The following CRISPLD2 variants were observed in gnomAD, a reference collection of about 807,000 sequenced individuals.
The protein encoded by CRISPLD2 is cysteine rich secretory protein LCCL domain containing 2, also known as cysteine-rich secretory protein LCCL domain-containing 2.
In CRISPLD2, 47 loss-of-function variants were observed where a neutral mutation model predicts 71.1. That is an observed-to-expected ratio of 0.66 (90% CI 0.52 to 0.84). The LOEUF is 0.84. Among genes scored for constraint, CRISPLD2 ranks in the 40% least tolerant of loss-of-function variants. The pLI is 0.00. For missense variants in CRISPLD2, 830 were observed against 651.1 expected (o/e 1.27, Z -2.99); for synonymous variants, 317 against 250.1 (o/e 1.27, Z -2.52).
chr16:84,898,343 C>A (rs949002724), intron 14 of CRISPLD2, among the ~76,000 whole-genome samples: 1 of 152,180 alleles, frequency 6.6e-6, no homozygotes, highest in Admixed American at 6.5e-5. Flanking sequence ...CCATTCAAGG[C>A]CGCAGCTGCT....
chr16:84,829,492 C>T (rs553455561), intron 1 of CRISPLD2, among the ~76,000 whole-genome samples: 4 of 152,210 alleles, frequency 2.6e-5, no homozygotes, highest in South Asian at 2.1e-4. Flanking sequence ...TCTGATCTGC[C>T]CTTGGCCTCT....
At position 84,908,605 on chromosome 16, in the gene CRISPLD2, G is replaced by A. The variant is rs1048133786; in HGVS notation, c.*1963G>A. On this transcript the variant is annotated 3_prime_UTR_variant, in exon 15 of 15. Coordinates refer to ENST00000262424, the MANE Select transcript of CRISPLD2 (RefSeq NM_031476.4). ...CCCATCATTTAAAAATAAAGTCCCCGGGTTCCTTAATGCCTCCTTCACTGG... is the reference window on the plus strand; with the variant it reads ...CCCATCATTTAAAAATAAAGTCCCCAGGTTCCTTAATGCCTCCTTCACTGG... 37 of 151,816 alleles carry A rather than the reference G, an allele frequency of 2.4e-4. No individual in the cohort carries two copies. The highest frequency in any genetic ancestry group is 8.5e-4 in the African/African-American group (35 of 41,328). 9.4% of individuals were successfully genotyped at this position (151,816 alleles called of 1,614,324 possible).
In CRISPLD2 at chr16:84,906,772, C is replaced by T; in HGVS notation, c.*130C>T. The T allele has an allele frequency of 9.4e-7, 1 of 1,060,256 alleles. No homozygotes were observed. 65.7% of individuals were successfully genotyped at this position (1,060,256 alleles called of 1,614,324 possible). A position where few individuals can be genotyped will look rare whatever the true frequency, so the allele number is the denominator to read the frequency against. ...TTTGACTGATGTTCAGTGTCCATCA[C>T]TTTGTGGCCTGTGGGTGAGGTGACA... On this transcript the variant is annotated 3_prime_UTR_variant, in exon 15 of 15. Coordinates refer to ENST00000262424, the MANE Select transcript of CRISPLD2 (RefSeq NM_031476.4).
chr16:84,875,414 C>CTTTTTTTTTTTTTTTT (rs34028519), intron 11 of CRISPLD2, among the ~76,000 whole-genome samples: 12 of 87,782 alleles, frequency 1.4e-4, no homozygotes, highest in African/African-American at 6.7e-4. Context: ...TATGCATGGA[C>CTTTTTTTTTTTTTTTT]TTTTTTTTTT....
intron 6 of CRISPLD2, among the ~76,000 whole-genome samples, chr16:84,860,438 C>T (rs111452069): frequency 0.015 from 2,268 of 152,252 alleles, 28 homozygotes; most frequent in Non-Finnish European, 0.021. Flanking sequence ...TAGCAGCCCG[C>T]CAGGACTTTA....
chr16:84,852,102 G>A (rs1250710974), intron 5 of CRISPLD2, among the ~76,000 whole-genome samples: 1 of 152,192 alleles, frequency 6.6e-6, no homozygotes, highest in African/African-American at 2.4e-5. Flanking sequence ...CTCACCAACG[G>A]CCACTATCTT....
At chr16:84,847,945 C>T (rs551240683) in intron 3 of CRISPLD2, among the ~76,000 whole-genome samples, 13 of 152,344 alleles carry the variant, frequency 8.5e-5, no homozygotes, top group African/African-American at 3.1e-4. Flanking sequence ...GACCCGTTGG[C>T]TCTTGCAGAT....
intron 2 of CRISPLD2, among the ~76,000 whole-genome samples, chr16:84,843,287 C>G (rs1237850694): frequency 3.3e-5 from 5 of 152,242 alleles, no homozygotes; most frequent in African/African-American, 1.2e-4. Flanking sequence ...CATTGCCCCT[C>G]TGCTCTGGTT....
intron 1 of CRISPLD2, among the ~76,000 whole-genome samples, chr16:84,833,007 G>C (rs896584853): frequency 6.6e-6 from 1 of 152,210 alleles, no homozygotes; most frequent in Non-Finnish European, 1.5e-5. Flanking sequence ...GTGCAAACAA[G>C]CTGTGTTGAA....
chr16:84,848,630 G>A (rs958623395), intron 3 of CRISPLD2, among the ~76,000 whole-genome samples: 5 of 152,058 alleles, frequency 3.3e-5, no homozygotes, highest in African/African-American at 7.2e-5. Context: ...TAGTAGAGAC[G>A]GGGTTTCGCC....
At chr16:84,875,249 A>G (rs1279740135) in intron 11 of CRISPLD2, among the ~76,000 whole-genome samples, 1 of 130,666 alleles carries the variant, frequency 7.7e-6, no homozygotes, top group African/African-American at 3.5e-5. Flanking sequence ...TCAAAAAAAT[A>G]TATACATATG....
At chr16:84,826,067 G>A (rs1238544998) in intron 1 of CRISPLD2, among the ~76,000 whole-genome samples, 1 of 152,212 alleles carries the variant, frequency 6.6e-6, no homozygotes, top group Admixed American at 6.5e-5. Flanking sequence ...GGGGCTGGCA[G>A]TCTGTTGTAA....
intron 6 of CRISPLD2, among the ~76,000 whole-genome samples, chr16:84,857,398 A>G (rs1403575724): frequency 6.6e-6 from 1 of 152,226 alleles, no homozygotes; most frequent in African/African-American, 2.4e-5. Context: ...GTGACCACTC[A>G]GAGAGATCCA....
At chr16:84,823,064 C>T (rs1412920602) in intron 1 of CRISPLD2, among the ~76,000 whole-genome samples, 9 of 152,290 alleles carry the variant, frequency 5.9e-5, no homozygotes, top group African/African-American at 1.9e-4. Flanking sequence ...TCTGTCTCTA[C>T]GAACTTGCTT....
chr16:84,849,195 T>G, intron 3 of CRISPLD2, 190 bp from the exon 4 acceptor site: 1 of 585,678 alleles, frequency 1.7e-6, no homozygotes. Flanking sequence ...TGCCCGTGGC[T>G]GCTCCTGGAA....
chr16:84,838,981 C>T (rs139293602), intron 2 of CRISPLD2: 12 of 632,224 alleles, frequency 1.9e-5, no homozygotes, highest in African/African-American at 3.6e-5. Flanking sequence ...CTTAGACTCC[C>T]GGGGTTAAGC....
chr16:84,847,458 T>C (rs1327601712), intron 3 of CRISPLD2, among the ~76,000 whole-genome samples: 1 of 152,196 alleles, frequency 6.6e-6, no homozygotes. Context: ...AAGACTATCC[T>C]GGCCAACATA....
intron 13 of CRISPLD2, among the ~76,000 whole-genome samples, chr16:84,881,142 C>G (rs73251564): frequency 6.8e-4 from 103 of 152,298 alleles, no homozygotes; most frequent in African/African-American, 2.3e-3. Context: ...TAAATGTTTT[C>G]GCAGTTTGAA....
intron 1 of CRISPLD2, among the ~76,000 whole-genome samples, chr16:84,830,089 G>A (rs1479068062): frequency 6.6e-6 from 1 of 152,234 alleles, no homozygotes; most frequent in African/African-American, 2.4e-5. Context: ...TTGGGAGGCT[G>A]AGGTGGGAGG....
Sources: allele counts gnomAD v4.1 joint callset (sites outside exome capture counted in the v4.1 genomes callset), GRCh38; gene constraint gnomAD v4.1.1; transcripts MANE v1.5; gene names NCBI Gene and HGNC (gene_info 2026-07-23, HGNC 2026-07-21).